Variants in CCDC171 observed in about 807,000 individuals in gnomAD.
CCDC171 encodes coiled-coil domain-containing protein 171.
In CCDC171, 177 loss-of-function variants were observed where a neutral mutation model predicts 168.2. The ratio of observed to expected loss-of-function variants is 1.05; its 90% CI spans 0.93 to 1.19. The LOEUF is 1.19. Ranked by LOEUF, CCDC171 falls within the 50% of genes most tolerant of loss-of-function variation. The probability of loss-of-function intolerance (pLI) is 0.00; values close to 1 mark genes in which losing one functional copy is unlikely to be tolerated. For missense variants in CCDC171, 1,991 were observed against 1,539.0 expected (o/e 1.29, Z -4.91); for synonymous variants, 687 against 540.8 (o/e 1.27, Z -3.75).
chr9:15,762,902 G>T (rs1476776757), intron 18 of CCDC171, among the ~76,000 whole-genome samples: 4 of 152,134 alleles, frequency 2.6e-5, no homozygotes, highest in Non-Finnish European at 5.9e-5. Context: ...ACAGTGCAAA[G>T]GAGTGTAGCT....
intron 7 of CCDC171, among the ~76,000 whole-genome samples, chr9:15,629,757 A>G (rs1440159451): frequency 6.6e-6 from 1 of 152,230 alleles, no homozygotes; most frequent in Non-Finnish European, 1.5e-5. Context: ...GAAGGAAAAA[A>G]TGTTAAGGGC....
intron 24 of CCDC171, chr9:15,875,344 G>A (rs1160664350): frequency 6.6e-6 from 1 of 151,642 alleles, no homozygotes; most frequent in South Asian, 2.1e-4. Flanking sequence ...GGATGCTGTA[G>A]GTATCCTTCT....
the CCDC171 span, among the ~76,000 whole-genome samples, chr9:16,107,563 A>G: frequency 6.6e-6 from 1 of 152,128 alleles, no homozygotes; most frequent in African/African-American, 2.4e-5. Context: ...ACACACACAC[A>G]TATACATATA....
chr9:15,970,417 G>A (rs1021780177), intron 25 of CCDC171, among the ~76,000 whole-genome samples: 2 of 150,650 alleles, frequency 1.3e-5, no homozygotes, highest in South Asian at 2.1e-4. Flanking sequence ...TTAAAACCCT[G>A]CAATATAGAG....
At chr9:15,575,969 A>C (rs200964602) in intron 3 of CCDC171, among the ~76,000 whole-genome samples, 1 of 151,934 alleles carries the variant, frequency 6.6e-6, no homozygotes, top group Non-Finnish European at 1.5e-5. Context: ...GTGCGCACCT[A>C]TAATCCCAGC....
intron 3 of CCDC171, among the ~76,000 whole-genome samples, chr9:15,575,849 T>C (rs1387331143): frequency 2.0e-5 from 3 of 152,174 alleles, no homozygotes; most frequent in Non-Finnish European, 4.4e-5. Flanking sequence ...CCCAGCACTT[T>C]AGGAGGCTGA....
intron 25 of CCDC171, among the ~76,000 whole-genome samples, chr9:15,946,560 A>G (rs1382045104): frequency 6.6e-6 from 1 of 152,078 alleles, no homozygotes; most frequent in Non-Finnish European, 1.5e-5. Context: ...GCTCATGGGT[A>G]GGAAGAATCA....
At chr9:15,777,977 C>G in intron 19 of CCDC171, 151 bp downstream of exon 19, 2 of 584,986 alleles carry the variant, frequency 3.4e-6, no homozygotes, top group Non-Finnish European at 5.6e-6. Context: ...TAAATTACTT[C>G]CAAATAAGTG....
At chr9:16,064,652 C>A (rs866536205), downstream of CCDC171, among the ~76,000 whole-genome samples, 2 of 152,280 alleles carry the variant, frequency 1.3e-5, no homozygotes, top group Non-Finnish European at 2.9e-5. Context: ...GGCATGGCAA[C>A]TGGCAAAGAA....
intron 25 of CCDC171, among the ~76,000 whole-genome samples, chr9:15,933,750 C>T (rs1826793798): frequency 6.6e-6 from 1 of 151,824 alleles, no homozygotes; most frequent in South Asian, 2.1e-4. Context: ...CTTTACCTTG[C>T]ACTATATACA....
chr9:15,729,797 A>G lies in CCDC171; in HGVS notation c.2048A>G (p.Gln683Arg). The stretch of plus-strand genomic sequence containing the variant: ...TTCCTGGAGGTGCAGAAGAGGGCAC[A>G]GGTATGCTACCTTTACAAAGAGCTT... ...ELFLEVQKRA[Q>R]KFQEIAEKNM... The change falls in exon 16 of 26, where the codon CAG (glutamine) becomes CGG (arginine). Residue 683 changes from glutamine (Q) to arginine (R), a missense_variant and splice_region_variant. Physicochemically the swap from Gln to Arg is conservative, Grantham distance 43. Coordinates refer to ENST00000380701, the MANE Select transcript of CCDC171 (RefSeq NM_173550.4). 6.2e-7 allele frequency: 1 copy of G among 1,604,152 alleles called. No homozygotes were observed. Among genetic ancestry groups the G allele is most frequent in the Non-Finnish European group, 8.5e-7 (1 of 1,173,958 alleles).
chr9:16,059,389 C>T (rs941286195), intron 1 of CCDC171, among the ~76,000 whole-genome samples: 2 of 151,982 alleles, frequency 1.3e-5, no homozygotes, highest in African/African-American at 4.8e-5. Context: ...AATATGCGTC[C>T]GGTGTCCGGA....
intron 8 of CCDC171, among the ~76,000 whole-genome samples, chr9:15,664,382 G>A (rs1432820395): frequency 6.6e-6 from 1 of 152,026 alleles, no homozygotes; most frequent in African/African-American, 2.4e-5. Flanking sequence ...CCAAGTAGCC[G>A]GCATTACAAA....
At chr9:15,981,779 G>A (rs910847778) in intron 3 of CCDC171, among the ~76,000 whole-genome samples, 4 of 151,926 alleles carry the variant, frequency 2.6e-5, no homozygotes, top group Non-Finnish European at 5.9e-5. Flanking sequence ...TTCTGGCTCC[G>A]TCTGTCTCTT....
At chr9:16,076,400 T>C in the CCDC171 span, among the ~76,000 whole-genome samples, 1 of 152,216 alleles carries the variant, frequency 6.6e-6, no homozygotes, top group African/African-American at 2.4e-5. Flanking sequence ...GTCCTCCAGA[T>C]CCAGTCTTCC....
At chr9:15,831,724 C>G (rs995710452) in intron 21 of CCDC171, among the ~76,000 whole-genome samples, 5 of 152,092 alleles carry the variant, frequency 3.3e-5, no homozygotes, top group Non-Finnish European at 5.9e-5. Context: ...TAAATTCAGA[C>G]TCCTGACAGA....
intron 1 of CCDC171, among the ~76,000 whole-genome samples, chr9:16,054,756 A>C (rs891860450): frequency 2.6e-5 from 4 of 152,380 alleles, no homozygotes; most frequent in African/African-American, 4.8e-5. Flanking sequence ...ACTGCAGGTC[A>C]GAGCTTCTCA....
chr9:15,663,010 C>T (rs1415493522), intron 8 of CCDC171, among the ~76,000 whole-genome samples: 2 of 151,964 alleles, frequency 1.3e-5, no homozygotes, highest in African/African-American at 4.8e-5. Context: ...ACAACAACAA[C>T]AACAACAACA....
In CCDC171 at chr9:15,633,052, C is replaced by G. The variant is rs1158833719; in HGVS notation, c.822+9639C>G. ...TGGATTAAAGACTTAAACGTTAGACCTAAAATCATAGAAACCCTATAGGAA... is the reference window on the plus strand; with the variant it reads ...TGGATTAAAGACTTAAACGTTAGACGTAAAATCATAGAAACCCTATAGGAA... On this transcript the variant is annotated intron_variant, in intron 7 of 25. Coordinates refer to ENST00000380701, the MANE Select transcript of CCDC171 (RefSeq NM_173550.4). Among the ~76,000 whole-genome samples the G allele has an allele frequency of 3.9e-5, 6 of 152,088 alleles. No homozygotes were observed. The South Asian group carries it at 6.2e-4, about 16-fold the overall frequency.
Sources: allele counts gnomAD v4.1 joint callset (sites outside exome capture counted in the v4.1 genomes callset), GRCh38; gene constraint gnomAD v4.1.1; transcripts MANE v1.5; gene names NCBI Gene and HGNC (gene_info 2026-07-23, HGNC 2026-07-21).